The following CHCHD3 variants were observed in gnomAD, a reference collection of about 807,000 sequenced individuals.
CHCHD3 encodes the protein MICOS complex subunit MIC19.
In CHCHD3, 20 loss-of-function variants were observed where a neutral mutation model predicts 38.2. The ratio of observed to expected loss-of-function variants is 0.52; its 90% CI spans 0.37 to 0.76. The LOEUF is 0.76. Ranked by LOEUF, CHCHD3 falls within the 30% of genes least tolerant of loss-of-function variation. The pLI is 0.00. For missense variants in CHCHD3, 245 were observed against 279.2 expected (o/e 0.88, Z 0.87); for synonymous variants, 82 against 100.0 (o/e 0.82, Z 1.07).
At chr7:132,923,204 A>C (rs1800259620) in intron 4 of CHCHD3, among the ~76,000 whole-genome samples, 1 of 152,224 alleles carries the variant, frequency 6.6e-6, no homozygotes, top group Non-Finnish European at 1.5e-5. Flanking sequence ...ATGCACCAAT[A>C]GGCCCTTCTA....
intron 7 of CHCHD3, among the ~76,000 whole-genome samples, chr7:132,791,295 G>A (rs748357314): frequency 4.6e-5 from 7 of 152,144 alleles, no homozygotes; most frequent in South Asian, 2.1e-4. Context: ...GATCTGACAC[G>A]ACAGGAAAAA....
At chr7:133,060,403 G>C (rs925768781) in intron 2 of CHCHD3, among the ~76,000 whole-genome samples, 4 of 152,314 alleles carry the variant, frequency 2.6e-5, no homozygotes, top group Non-Finnish European at 4.4e-5. Flanking sequence ...TGTGCTACGA[G>C]AGACGTGCAC....
intron 5 of CHCHD3, among the ~76,000 whole-genome samples, chr7:132,867,552 T>C (rs1258858220): frequency 6.6e-6 from 1 of 152,184 alleles, no homozygotes; most frequent in Non-Finnish European, 1.5e-5. Flanking sequence ...TTGCTGATTG[T>C]TGATTGAAAT....
intron 3 of CHCHD3, among the ~76,000 whole-genome samples, chr7:133,000,969 G>T (rs150889859): frequency 6.6e-6 from 1 of 152,128 alleles, no homozygotes; most frequent in Non-Finnish European, 1.5e-5. Flanking sequence ...AAACTTCAAA[G>T]CAATACAGAG....
chr7:132,844,376 T>C (rs1246164536), intron 5 of CHCHD3, among the ~76,000 whole-genome samples: 2 of 152,234 alleles, frequency 1.3e-5, no homozygotes, highest in Non-Finnish European at 2.9e-5. Context: ...TAATGAATAA[T>C]CATTTTTTTG....
At chr7:133,048,593 C>A (rs114904760) in intron 2 of CHCHD3, among the ~76,000 whole-genome samples, 3,588 of 152,126 alleles carry the variant, frequency 0.024, 131 homozygotes, top group African/African-American at 0.079. Flanking sequence ...ACAAAAGGGA[C>A]CACCATTCTA....
At chr7:133,024,692 TACTC>T in intron 2 of CHCHD3, 65 bp from the exon 3 acceptor site, 7 of 1,225,048 alleles carry the variant, frequency 5.7e-6, no homozygotes, top group Non-Finnish European at 8.5e-6. Context: ...AGCAAGAAAA[TACTC>T]AGGAAAGCCC....
chr7:133,031,137 T>C (rs2117455423), intron 2 of CHCHD3, among the ~76,000 whole-genome samples: 1 of 152,296 alleles, frequency 6.6e-6, no homozygotes, highest in Non-Finnish European at 1.5e-5. Context: ...ATCCTGAGTA[T>C]TCTTAGGAAA....
At chr7:132,884,839 G>A (rs13221763) in intron 5 of CHCHD3, among the ~76,000 whole-genome samples, 73,956 of 152,086 alleles carry the variant, frequency 0.49, 18,465 homozygotes, top group African/African-American at 0.57. Context: ...ACTTGACGCC[G>A]TATCTCTTTT....
chr7:132,809,498 C>T (rs1337481083), intron 6 of CHCHD3, among the ~76,000 whole-genome samples: 1 of 152,172 alleles, frequency 6.6e-6, no homozygotes, highest in Non-Finnish European at 1.5e-5. Context: ...CAGGAGTCAA[C>T]AGCATTCTTC....
chr7:132,923,142 A>G (rs759391755), intron 4 of CHCHD3, among the ~76,000 whole-genome samples: 42 of 152,216 alleles, frequency 2.8e-4, no homozygotes, highest in Non-Finnish European at 5.3e-4. Context: ...TGTCCCAACA[A>G]TGTCACAATA....
chr7:133,030,613 T>C (rs949165960), intron 2 of CHCHD3, among the ~76,000 whole-genome samples: 2 of 152,236 alleles, frequency 1.3e-5, no homozygotes, highest in African/African-American at 4.8e-5. Flanking sequence ...TCAGTAAGTA[T>C]GGTTCCATGG....
Position 132,785,651 on chromosome 7 carries a change from C to T in CHCHD3, c.670G>A (p.Glu224Lys). 1 of 1,614,108 alleles carries T rather than the reference C, an allele frequency of 6.2e-7. No individual in the cohort carries two copies. Among genetic ancestry groups the T allele is most frequent in the Non-Finnish European group, 8.5e-7 (1 of 1,180,010 alleles). ...TCTGAAAGTTTTTATCCTCCCTTCT[C>T]AAGCATGCTCTGCAAGAAAAACAGA... ...CVNHAKQSML[E>K]KGG is the part of the protein sequence containing the mutation. The change falls in exon 8 of 8, where the codon GAG becomes AAG. Residue 224 changes from glutamate (E) to lysine (K), a missense_variant. Physicochemically the swap from Glu to Lys is moderately conservative, Grantham distance 56 (BLOSUM62 1). Coordinates refer to ENST00000262570, the MANE Select transcript of CHCHD3 (RefSeq NM_017812.4).
At chr7:133,052,872 A>G (rs1220436178) in intron 2 of CHCHD3, among the ~76,000 whole-genome samples, 5 of 152,202 alleles carry the variant, frequency 3.3e-5, no homozygotes, top group Non-Finnish European at 7.3e-5. Flanking sequence ...TCGTCATTAA[A>G]AAGTAAAATG....
chr7:132,909,586 T>C (rs1325323057), intron 4 of CHCHD3, among the ~76,000 whole-genome samples: 1 of 152,128 alleles, frequency 6.6e-6, no homozygotes, highest in African/African-American at 2.4e-5. Context: ...CAATACTATA[T>C]AGCAGAGGAA....
At chr7:132,812,024 C>A (rs553806896) in intron 6 of CHCHD3, among the ~76,000 whole-genome samples, 1 of 152,020 alleles carries the variant, frequency 6.6e-6, no homozygotes, top group Admixed American at 6.5e-5. Flanking sequence ...CTAATTCCCT[C>A]CTCTACCTCC....
chr7:132,791,585 A>G (rs1394251765), intron 7 of CHCHD3, among the ~76,000 whole-genome samples: 1 of 152,206 alleles, frequency 6.6e-6, no homozygotes, highest in Non-Finnish European at 1.5e-5. Flanking sequence ...CTATGTTTTC[A>G]GGACCCCTTC....
chr7:132,823,812 C>G (rs1563246377), intron 6 of CHCHD3, among the ~76,000 whole-genome samples: 1 of 152,168 alleles, frequency 6.6e-6, no homozygotes, highest in East Asian at 1.9e-4. Context: ...CACAAAGAAC[C>G]TGGTACCTTG....
At chr7:133,045,071 T>C (rs1165623178) in intron 2 of CHCHD3, among the ~76,000 whole-genome samples, 1 of 152,196 alleles carries the variant, frequency 6.6e-6, no homozygotes, top group African/African-American at 2.4e-5. Context: ...AGTTACTTAG[T>C]ATCTCTGGAG....
Sources: allele counts gnomAD v4.1 joint callset (sites outside exome capture counted in the v4.1 genomes callset), GRCh38; gene constraint gnomAD v4.1.1; transcripts MANE v1.5; gene names NCBI Gene and HGNC (gene_info 2026-07-23, HGNC 2026-07-21).